ESYT3: variants seen among roughly 807,000 people sequenced by gnomAD.
ESYT3 encodes the protein extended synaptotagmin 3.
A neutral mutation model predicts 111.5 loss-of-function variants in ESYT3; 101 were observed. That is an observed-to-expected ratio of 0.91 (90% CI 0.77 to 1.07). ESYT3 has a LOEUF of 1.07. ESYT3 is among the 50% of genes least tolerant of loss of function. The pLI, the probability that ESYT3 is intolerant of heterozygous loss-of-function variation, is 0.00. For synonymous variants in ESYT3, 416 were observed against 446.8 expected (o/e 0.93, Z 0.87); for missense variants, 1,097 against 1,109.4 (o/e 0.99, Z 0.16).
rs777541266 is a variant in ESYT3, at chr3:138,460,624, A to G, written c.752A>G (p.Asn251Ser). The G allele has an allele frequency of 6.2e-7, 1 of 1,614,056 alleles. No individual in the cohort carries two copies. Among genetic ancestry groups the G allele is most frequent in the South Asian group, 1.1e-5 (1 of 91,084 alleles). The change falls in exon 7 of 23, where the codon AAC becomes AGC. Residue 251 changes from asparagine to serine, a missense_variant. Coordinates refer to ENST00000389567, the MANE Select transcript of ESYT3 (RefSeq NM_031913.5). Reference protein sequence around the residue: ...FFLQKPHLQINWTGLTNLLDA... With the variant: ...FFLQKPHLQISWTGLTNLLDA... ...CTGCCCCTGAAGCACCTACAGATCAACTGGACTGGCCTGACCAACCTGCTG... is the reference window on the plus strand; with the variant it reads ...CTGCCCCTGAAGCACCTACAGATCAGCTGGACTGGCCTGACCAACCTGCTG...
At chr3:138,442,212 C>A (rs1443017526) in intron 1 of ESYT3, among the ~76,000 whole-genome samples, 1 of 151,702 alleles carries the variant, frequency 6.6e-6, no homozygotes, top group South Asian at 2.1e-4. Flanking sequence ...ATTTTATAAT[C>A]CCTCCACCCA....
chr3:138,470,382 A>C (rs2033158249), intron 16 of ESYT3: 1 of 1,235,278 alleles, frequency 8.1e-7, no homozygotes, highest in Non-Finnish European at 1.0e-6. Context: ...CTTTCCCTGC[A>C]AAAGGGTCTT....
chr3:138,481,383 T>TG (rs1160111009), downstream of ESYT3: 1 of 152,356 alleles, frequency 6.6e-6, no homozygotes, highest in Non-Finnish European at 1.5e-5. Context: ...CTTTTTTTTT[T>TG]TGAGATGGAG....
At chr3:138,470,570 T>G in intron 16 of ESYT3, 2 of 1,165,210 alleles carry the variant, frequency 1.7e-6, no homozygotes. Context: ...GCTGGGATCT[T>G]TTAGGGCCCT....
intron 2 of ESYT3, among the ~76,000 whole-genome samples, chr3:138,454,024 G>A (rs1392858433): frequency 2.6e-5 from 4 of 152,174 alleles, no homozygotes; most frequent in African/African-American, 9.7e-5. Flanking sequence ...TGACACGTCT[G>A]GTAATGTGAA....
rs990464879 is a variant in ESYT3 at position 138,434,641 on chromosome 3, G to C, written c.-158G>C. On this transcript the variant is annotated 5_prime_UTR_variant, in exon 1 of 23. Transcript: ENST00000389567. ...GCATTTCCAGGCGCTGCTCTCCGTC[G>C]CAGAGAACCCTGAGCTCGGCGCGCC... 2.1e-5 allele frequency: 14 copies of C among 655,808 alleles called. No individual in the cohort carries two copies. Among genetic ancestry groups the C allele is most frequent in the Non-Finnish European group, 2.2e-5 (9 of 408,872 alleles). The allele number at this position is 655,808 out of a possible 1,614,324, so 40.6% of individuals were successfully genotyped here.
At chr3:138,450,721 C>T (rs934163796) in intron 1 of ESYT3, among the ~76,000 whole-genome samples, 2 of 152,202 alleles carry the variant, frequency 1.3e-5, no homozygotes, top group Admixed American at 6.5e-5. Context: ...TGATCCTGAA[C>T]GAGTGCTGCA....
Position 138,468,946 on chromosome 3 carries a change from C to T in ESYT3, c.1434+65C>T. ...TCACAGCTTCTCTCCCCAGAGTAAC[C>T]ACAACCCCATGTCTTCTGGGCCACA... On this transcript the variant is annotated intron_variant, in intron 14 of 22. Coordinates refer to ENST00000389567, the MANE Select transcript of ESYT3 (RefSeq NM_031913.5). 5.9e-6 allele frequency: 9 copies of T among 1,522,026 alleles called. No homozygotes were observed. In the South Asian group the frequency reaches 1.0e-4, roughly 17 times the overall value. 94.3% of individuals were successfully genotyped at this position (1,522,026 alleles called of 1,614,324 possible).
At chr3:138,439,657 T>C (rs1433513000) in intron 1 of ESYT3, among the ~76,000 whole-genome samples, 2 of 152,186 alleles carry the variant, frequency 1.3e-5, no homozygotes, top group African/African-American at 4.8e-5. Context: ...ACTGGATGAT[T>C]GGGTTGCTTA....
intron 1 of ESYT3, among the ~76,000 whole-genome samples, chr3:138,436,404 A>G (rs949764190): frequency 6.6e-6 from 1 of 152,228 alleles, no homozygotes; most frequent in African/African-American, 2.4e-5. Context: ...TAATGAACTC[A>G]TTTTAACTTA....
intron 1 of ESYT3, among the ~76,000 whole-genome samples, chr3:138,447,877 A>ATT (rs60644648): frequency 6.7e-6 from 1 of 150,058 alleles, no homozygotes; most frequent in East Asian, 1.9e-4. Flanking sequence ...TCTCAGGAGG[A>ATT]TTTTTTTTTT....
At chr3:138,439,696 T>G (rs2030996846) in intron 1 of ESYT3, among the ~76,000 whole-genome samples, 1 of 152,170 alleles carries the variant, frequency 6.6e-6, no homozygotes, top group Non-Finnish European at 1.5e-5. Context: ...CTGCCATGAC[T>G]GGGCCCCTGT....
intron 1 of ESYT3, among the ~76,000 whole-genome samples, chr3:138,443,988 C>T (rs933984646): frequency 1.3e-5 from 2 of 152,196 alleles, no homozygotes; most frequent in African/African-American, 4.8e-5. Context: ...TCCATTTCCT[C>T]ACTGCTGTGG....
Position 138,472,574 on chromosome 3 carries a change from C to A in ESYT3, c.1952C>A (p.Thr651Asn). ...SRSTTTTTSA[T>N]TVATEPTSQE... is the part of the protein sequence containing the mutation. ...AGTACCACAACCACCACCAGTGCTA[C>A]CACCGTTGCCACTGAGCCCACATCC... The change falls in exon 18 of 23, where the codon ACC becomes AAC. Residue 651 changes from threonine (T) to asparagine (N), a missense_variant. Physicochemically the swap from Thr to Asn is moderately conservative, Grantham distance 65. Transcript: ENST00000389567. 3 of 1,614,248 alleles carry A rather than the reference C, an allele frequency of 1.9e-6. No individual in the cohort carries two copies. The highest frequency in any genetic ancestry group is 2.5e-6 in the Non-Finnish European group (3 of 1,180,048).
Position 138,472,673 on chromosome 3 carries a change from G to A in ESYT3, c.2051G>A (p.Ser684Asn), listed in dbSNP as rs759555559. Residue 684 changes from serine to asparagine, a missense_variant, in exon 18 of 23, where the codon AGT becomes AAT. By Grantham distance (46) the Ser-to-Asn change is conservative. Transcript: ENST00000389567. The part of the protein sequence containing the change: ...RFCEPIGEKK[S>N]PATIFLTVPG... ...TGTGAGCCCATCGGGGAGAAGAAGA[G>A]TCCAGCCACCATCTTCCTGACTGTC... is the stretch of plus-strand genomic sequence containing the variant. 1 of 1,614,188 alleles carries A rather than the reference G, an allele frequency of 6.2e-7. No individual in the cohort carries two copies. The highest frequency in any genetic ancestry group is 8.5e-7 in the Non-Finnish European group (1 of 1,180,040).
chr3:138,469,973 C>G, intron 15 of ESYT3, 87 bp from the exon 16 acceptor site: 1 of 1,156,804 alleles, frequency 8.6e-7, no homozygotes, highest in South Asian at 1.4e-5. Flanking sequence ...CCAATGGTAC[C>G]TGGTGGCCAG....
In ESYT3 at chr3:138,469,457, T is replaced by C; in HGVS notation, c.1456T>C (p.Ser486Pro). Reference sequence around the variant, plus strand: ...ACAGAACAAGGTCAGCAAAGACCCTTCTTCCTATGTCAAACTATCTGTAGG... The same window carrying C: ...ACAGAACAAGGTCAGCAAAGACCCTCCTTCCTATGTCAAACTATCTGTAGG... ...FARNKVSKDP[S>P]SYVKLSVGKK... is the part of the protein sequence containing the mutation. The change falls in exon 15 of 23, where the codon TCT (serine) becomes CCT (proline). Residue 486 changes from serine to proline, a missense_variant. Coordinates refer to ENST00000389567, the MANE Select transcript of ESYT3 (RefSeq NM_031913.5). 6.2e-7 allele frequency: 1 copy of C among 1,614,066 alleles called. No individual in the cohort carries two copies. The highest frequency in any genetic ancestry group is 8.5e-7 in the Non-Finnish European group (1 of 1,179,956).
chr3:138,449,798 T>G (rs62282884), intron 1 of ESYT3, among the ~76,000 whole-genome samples: 1 of 152,222 alleles, frequency 6.6e-6, no homozygotes, highest in East Asian at 1.9e-4. Context: ...TAGAGTGATC[T>G]GTTAGTTGCC....
chr3:138,473,741 T>TAACA (rs2033355799), intron 19 of ESYT3, 107 bp downstream of exon 19: 1 of 957,608 alleles, frequency 1.0e-6, no homozygotes, highest in Admixed American at 2.4e-5. Flanking sequence ...CCAAGATAAA[T>TAACA]AACACTTTGG....
Sources: allele counts gnomAD v4.1 joint callset (sites outside exome capture counted in the v4.1 genomes callset), GRCh38; gene constraint gnomAD v4.1.1; transcripts MANE v1.5; gene names NCBI Gene and HGNC (gene_info 2026-07-23, HGNC 2026-07-21).